The following NRG3 variants were observed in gnomAD, a reference collection of about 807,000 sequenced individuals.
NRG3 encodes the protein neuregulin 3, also known as pro-neuregulin-3, membrane-bound isoform.
A neutral mutation model predicts 66.9 loss-of-function variants in NRG3; 31 were observed. That is an observed-to-expected ratio of 0.46 (90% CI 0.35 to 0.63). The LOEUF (loss-of-function observed/expected upper bound fraction) is 0.63. NRG3 is among the 20% of genes least tolerant of loss of function. The probability of loss-of-function intolerance (pLI) is 0.00; values close to 1 mark genes in which losing one functional copy is unlikely to be tolerated. For synonymous variants in NRG3, 393 were observed against 359.4 expected (o/e 1.09, Z -1.06); for missense variants, 910 against 878.9 (o/e 1.04, Z -0.45).
At chr10:81,976,094 G>C (rs1434638771) in intron 1 of NRG3, among the ~76,000 whole-genome samples, 2 of 152,140 alleles carry the variant, frequency 1.3e-5, no homozygotes, top group African/African-American at 4.8e-5. Context: ...TAAGATATTT[G>C]TATTGTTTTA....
chr10:82,193,593 A>T (rs973811060), intron 1 of NRG3, among the ~76,000 whole-genome samples: 1 of 152,192 alleles, frequency 6.6e-6, no homozygotes, highest in Admixed American at 6.6e-5. Flanking sequence ...TCTGGTGGAG[A>T]TGAAAAGAAG....
At chr10:82,642,493 C>T (rs958967297) in intron 2 of NRG3, among the ~76,000 whole-genome samples, 1 of 151,826 alleles carries the variant, frequency 6.6e-6, no homozygotes, top group Non-Finnish European at 1.5e-5. Flanking sequence ...GAACCTAGTT[C>T]TGGTCAAACT....
intron 1 of NRG3, among the ~76,000 whole-genome samples, chr10:81,891,620 G>T (rs1232420657): frequency 1.3e-5 from 2 of 152,132 alleles, no homozygotes; most frequent in African/African-American, 4.8e-5. Context: ...CTTGGTATTT[G>T]TGACGTTTCT....
chr10:82,039,123 G>A (rs1411229476), intron 1 of NRG3, among the ~76,000 whole-genome samples: 1 of 152,116 alleles, frequency 6.6e-6, no homozygotes, highest in Non-Finnish European at 1.5e-5. Context: ...ATATTATGCA[G>A]CTTAAACTCC....
At chr10:82,378,061 G>A (rs1273704642) in intron 2 of NRG3, among the ~76,000 whole-genome samples, 1 of 152,154 alleles carries the variant, frequency 6.6e-6, no homozygotes, top group Admixed American at 6.5e-5. Flanking sequence ...GATAGGTGGA[G>A]GTTTTAGAAC....
In NRG3 at chr10:82,563,940, G is replaced by A. The variant is rs1394132659; in HGVS notation, c.954-174637G>A. ...TCTTAAGATGATATATTCAAAGAGA[G>A]ATCATACAATATGATAATGCTATTA... On this transcript the variant is annotated intron_variant, in intron 2 of 8. Coordinates refer to ENST00000372141, the MANE Select transcript of NRG3 (RefSeq NM_001010848.4). Among the ~76,000 whole-genome samples the A allele has an allele frequency of 1.3e-5, 2 of 152,058 alleles. 1 individual carries two copies. The highest frequency in any genetic ancestry group is 3.9e-4 in the East Asian group (2 of 5,190).
At chr10:82,205,673 C>A (rs1490742080) in intron 1 of NRG3, among the ~76,000 whole-genome samples, 1 of 152,082 alleles carries the variant, frequency 6.6e-6, no homozygotes, top group Non-Finnish European at 1.5e-5. Context: ...GAAAAGATGT[C>A]ATTGAAGGCT....
intron 1 of NRG3, among the ~76,000 whole-genome samples, chr10:82,083,567 T>C (rs556154020): frequency 1.6e-3 from 238 of 151,384 alleles, no homozygotes; most frequent in Non-Finnish European, 2.0e-3. Context: ...TTTTCTCTCT[T>C]ACAACCTCTC....
At chr10:82,871,548 G>A (rs537834011) in intron 4 of NRG3, among the ~76,000 whole-genome samples, 11 of 152,094 alleles carry the variant, frequency 7.2e-5, no homozygotes, top group Non-Finnish European at 1.0e-4. Flanking sequence ...TCCTATTCAC[G>A]AACATGGAAT....
At position 82,822,015 on chromosome 10, in the gene NRG3, C is replaced by A. The variant is rs184794303; in HGVS notation, c.1028-43396C>A. On this transcript the variant is annotated intron_variant, in intron 3 of 8. Coordinates refer to ENST00000372141, the MANE Select transcript of NRG3 (RefSeq NM_001010848.4). ...CTGGATTCCAAAATTATAGCAGCAG[C>A]CAGTATGGTCTTCGGTTTCCCTGCA... Among the ~76,000 whole-genome samples, 4 of 152,264 alleles carry A rather than the reference C, an allele frequency of 2.6e-5. No individual in the cohort carries two copies. The East Asian group carries it at 5.8e-4, about 22-fold the overall frequency.
At chr10:82,401,445 A>C (rs1221810728) in intron 2 of NRG3, among the ~76,000 whole-genome samples, 2 of 151,472 alleles carry the variant, frequency 1.3e-5, no homozygotes, top group African/African-American at 4.9e-5. Context: ...GCTTCTAGAT[A>C]GAGAGAAGTA....
chr10:82,786,098 G>C (rs973543702), intron 3 of NRG3, among the ~76,000 whole-genome samples: 2 of 152,188 alleles, frequency 1.3e-5, no homozygotes, highest in Non-Finnish European at 2.9e-5. Context: ...AGCCATAGGA[G>C]TGAGGCCACT....
intron 2 of NRG3, among the ~76,000 whole-genome samples, chr10:82,694,619 G>A (rs900684115): frequency 2.0e-5 from 3 of 151,986 alleles, no homozygotes; most frequent in Admixed American, 6.6e-5. Context: ...TCTGGGTGTG[G>A]TGGCAATGCC....
rs1850349039 is a variant in NRG3, at chr10:82,958,991, A to G, written c.1200A>G (p.Gln400=). The G allele has an allele frequency of 1.2e-6, 2 of 1,606,894 alleles. No individual in the cohort carries two copies. The highest frequency in any genetic ancestry group is 1.1e-5 in the South Asian group (1 of 89,512). ...KQIQEQLKVP[Q]NGKSYSLKAS... Reference sequence around the variant, plus strand: ...TCCAAGAGCAGCTGAAAGTGCCACAAAATGGTAAAAGCTACAGTCTCAAAG... The same window carrying G: ...TCCAAGAGCAGCTGAAAGTGCCACAGAATGGTAAAAGCTACAGTCTCAAAG... Residue 400 remains glutamine (Q), a synonymous_variant, in exon 6 of 9, where the codon CAA becomes CAG. Coordinates refer to ENST00000372141, the MANE Select transcript of NRG3 (RefSeq NM_001010848.4).
chr10:82,129,040 G>A (rs141932826), intron 1 of NRG3, among the ~76,000 whole-genome samples: 2,289 of 152,038 alleles, frequency 0.015, 43 homozygotes, highest in Admixed American at 0.029. Context: ...AGCCTCGCAA[G>A]TAGCTGTGAT....
At chr10:82,711,281 C>T (rs1298123872) in intron 2 of NRG3, among the ~76,000 whole-genome samples, 3 of 151,732 alleles carry the variant, frequency 2.0e-5, no homozygotes, top group African/African-American at 7.3e-5. Context: ...GAGATGGAGC[C>T]CTGCCATGTT....
At chr10:82,793,420 C>A (rs1436148279) in intron 3 of NRG3, among the ~76,000 whole-genome samples, 1 of 152,128 alleles carries the variant, frequency 6.6e-6, no homozygotes, top group African/African-American at 2.4e-5. Flanking sequence ...AGTCAGGAAG[C>A]ATCTTATTGT....
chr10:82,112,034 G>T (rs1214611679), intron 1 of NRG3, among the ~76,000 whole-genome samples: 1 of 152,148 alleles, frequency 6.6e-6, no homozygotes. Flanking sequence ...CTTGAGACCA[G>T]GAGTTTGAGA....
intron 3 of NRG3, among the ~76,000 whole-genome samples, chr10:82,749,797 A>T (rs2058789573): frequency 6.6e-6 from 1 of 152,042 alleles, no homozygotes; most frequent in African/African-American, 2.4e-5. Context: ...CTGAAAAAAA[A>T]AAAAAAAGAT....
Sources: gnomAD v4.1 joint callset for allele counts (sites outside exome capture counted in the v4.1 genomes callset) on GRCh38, gnomAD v4.1.1 for gene constraint, MANE v1.5 for transcripts, NCBI Gene and HGNC (gene_info 2026-07-23, HGNC 2026-07-21) for gene names.